Variants in FLRT2 observed in about 807,000 individuals in gnomAD.
FLRT2 encodes the protein fibronectin leucine rich transmembrane protein 2.
FLRT2 carries 15 observed loss-of-function variants against 40.0 expected under a neutral mutation model. That is an observed-to-expected ratio of 0.38 (90% CI 0.25 to 0.58). FLRT2 has a LOEUF of 0.58. Among genes scored for constraint, FLRT2 ranks in the 20% least tolerant of loss-of-function variants. The pLI is 0.71. For missense variants in FLRT2, 726 were observed against 840.0 expected (o/e 0.86, Z 1.68); for synonymous variants, 380 against 336.8 (o/e 1.13, Z -1.41).
chr14:85,587,891 G>A (rs922721210), intron 1 of FLRT2, among the ~76,000 whole-genome samples: 24 of 152,134 alleles, frequency 1.6e-4, no homozygotes, highest in Non-Finnish European at 3.1e-4. Flanking sequence ...GGTGAATGAT[G>A]AGGAAATGTT....
intron 1 of FLRT2, among the ~76,000 whole-genome samples, chr14:85,556,536 G>A (rs1315430581): frequency 6.6e-6 from 1 of 152,188 alleles, no homozygotes. Context: ...TATGCCAAGA[G>A]GCAGTTGGAG....
In FLRT2 at chr14:85,631,857, C is replaced by T. The variant is rs1893882678; in HGVS notation, c.*8360C>T. 1 of 151,836 alleles carries T rather than the reference C, an allele frequency of 6.6e-6. No homozygotes were observed. Among genetic ancestry groups the T allele is most frequent in the South Asian group, 2.1e-4 (1 of 4,806 alleles). The allele number at this position is 151,836 out of a possible 1,614,324, so 9.4% of individuals were successfully genotyped here. ...TTTATTTTTTTTTGAGTTGGAGTCT[C>T]ACTCTGTCACCAGATTGGAGTGCAG... On this transcript the variant is annotated 3_prime_UTR_variant, in exon 2 of 2. Coordinates refer to ENST00000330753, the MANE Select transcript of FLRT2 (RefSeq NM_013231.6).
intron 1 of FLRT2, among the ~76,000 whole-genome samples, chr14:85,606,858 A>T (rs1354865087): frequency 6.6e-6 from 1 of 151,082 alleles, no homozygotes; most frequent in Non-Finnish European, 1.5e-5. Context: ...TTGGTAGTCT[A>T]TGATAGTGTC....
At chr14:85,568,396 A>G (rs1268525497) in intron 1 of FLRT2, among the ~76,000 whole-genome samples, 1 of 152,134 alleles carries the variant, frequency 6.6e-6, no homozygotes, top group Non-Finnish European at 1.5e-5. Flanking sequence ...AAATGATTGG[A>G]CAGGCTCAAG....
chr14:85,615,643 T>C (rs1462932428), intron 1 of FLRT2, among the ~76,000 whole-genome samples: 1 of 64,132 alleles, frequency 1.6e-5, no homozygotes, highest in Non-Finnish European at 3.3e-5. Context: ...TATTGATATA[T>C]GTTTCCCTAA....
rs1894135195 is a variant in FLRT2, at chr14:85,640,956, CT to C, written c.*17460del. On this transcript the variant is annotated 3_prime_UTR_variant, in exon 2 of 2. Transcript: ENST00000330753. ...CGTGACCTTGGGCAAGTTGCTTAAA[CT>C]GTAGCCATAATTTCCTCATAGATTT... is the stretch of plus-strand genomic sequence containing the variant. The C allele has an allele frequency of 6.6e-6, 1 of 152,186 alleles. No homozygotes were observed. The highest frequency in any genetic ancestry group is 1.5e-5 in the Non-Finnish European group (1 of 68,030). The allele number at this position is 152,186 out of a possible 1,614,324, so 9.4% of individuals were successfully genotyped here.
chr14:85,579,208 G>C (rs939354798), intron 1 of FLRT2, among the ~76,000 whole-genome samples: 3 of 152,134 alleles, frequency 2.0e-5, no homozygotes, highest in African/African-American at 7.2e-5. Flanking sequence ...AGGCTGGAGT[G>C]GGGGAACCAG....
intron 1 of FLRT2, among the ~76,000 whole-genome samples, chr14:85,605,598 G>A (rs144818869): frequency 0.017 from 2,607 of 152,004 alleles, 69 homozygotes; most frequent in African/African-American, 0.059. Context: ...GTGAAACCCC[G>A]TCTCTACTAA....
intron 1 of FLRT2, among the ~76,000 whole-genome samples, chr14:85,583,153 A>T (rs1891466205): frequency 6.6e-6 from 1 of 152,200 alleles, no homozygotes; most frequent in Non-Finnish European, 1.5e-5. Flanking sequence ...GCTGAAAATT[A>T]CTGGCAGGGA....
intron 1 of FLRT2, among the ~76,000 whole-genome samples, chr14:85,576,129 G>A (rs988986205): frequency 6.6e-6 from 1 of 152,198 alleles, no homozygotes; most frequent in Admixed American, 6.5e-5. Flanking sequence ...GACCAAGCAT[G>A]AGGTAAAATG....
chr14:85,543,829 G>T (rs999809138), intron 1 of FLRT2, among the ~76,000 whole-genome samples: 1 of 152,036 alleles, frequency 6.6e-6, no homozygotes, highest in African/African-American at 2.4e-5. Flanking sequence ...TTCCCTCCTG[G>T]TTACTCCTTT....
chr14:85,615,856 A>G (rs540865209), intron 1 of FLRT2, among the ~76,000 whole-genome samples: 1 of 152,328 alleles, frequency 6.6e-6, no homozygotes, highest in Non-Finnish European at 1.5e-5. Context: ...GCGATTGGCA[A>G]TGCTTATTGA....
rs1555373563 is a variant in FLRT2, at chr14:85,643,346, T to TTC, written c.*19849_*19850insTC. ...TTCTTTCTTTCTTTCTTTCTTTCTT[T>TTC]CTTTCTTTCTTCCTTCCTTCCTTCC... is the stretch of plus-strand genomic sequence containing the variant. On this transcript the variant is annotated 3_prime_UTR_variant, in exon 2 of 2. Coordinates refer to ENST00000330753, the MANE Select transcript of FLRT2 (RefSeq NM_013231.6). 445 of 58,202 alleles carry TTC rather than the reference T, an allele frequency of 7.6e-3. 3 individuals are homozygous for TTC. The highest frequency in any genetic ancestry group is 0.019 in the African/African-American group (323 of 16,642). The allele number at this position is 58,202 out of a possible 1,614,324, so 3.6% of individuals were successfully genotyped here.
At chr14:85,556,030 T>A (rs1470648211) in intron 1 of FLRT2, among the ~76,000 whole-genome samples, 1 of 152,250 alleles carries the variant, frequency 6.6e-6, no homozygotes, top group East Asian at 1.9e-4. Context: ...GGAAGGCATG[T>A]AATTAAGAAA....
chr14:85,589,791 G>T (rs61992729), intron 1 of FLRT2, among the ~76,000 whole-genome samples: 1 of 152,056 alleles, frequency 6.6e-6, no homozygotes, highest in Non-Finnish European at 1.5e-5. Flanking sequence ...TTTGTATATG[G>T]CAAGGGATAC....
Position 85,653,888 on chromosome 14 carries a change from C to T in FLRT2, c.*30391C>T, listed in dbSNP as rs1175424786. On this transcript the variant is annotated 3_prime_UTR_variant, in exon 2 of 2. Coordinates refer to ENST00000330753, the MANE Select transcript of FLRT2 (RefSeq NM_013231.6). ...ATGAAGAAAACATAGCAAAATTATA[C>T]CTATTTTTTTAAATTGAAGTACAAA... is the stretch of plus-strand genomic sequence containing the variant. 2 of 152,068 alleles carry T rather than the reference C, an allele frequency of 1.3e-5. No homozygotes were observed. Among genetic ancestry groups the T allele is most frequent in the African/African-American group, 4.8e-5 (2 of 41,418 alleles). The allele number at this position is 152,068 out of a possible 1,614,324, so 9.4% of individuals were successfully genotyped here.
rs1217916469 is a variant in FLRT2, at chr14:85,622,004, T to C, written c.490T>C (p.Leu164=). ...CCGGGAGGCTATTAGCCTCAAATTG[T>C]TGTTTTTGTCTAAGAATCACCTGAG... ...AFREAISLKL[L]FLSKNHLSSV... Residue 164 remains leucine (L), a synonymous_variant, in exon 2 of 2, where the codon TTG becomes CTG. Coordinates refer to ENST00000330753, the MANE Select transcript of FLRT2 (RefSeq NM_013231.6). The C allele has an allele frequency of 1.2e-6, 2 of 1,608,720 alleles. No homozygotes were observed. Among genetic ancestry groups the C allele is most frequent in the African/African-American group, 1.3e-5 (1 of 74,834 alleles).
At chr14:85,572,731 C>A (rs559181078) in intron 1 of FLRT2, among the ~76,000 whole-genome samples, 1 of 152,144 alleles carries the variant, frequency 6.6e-6, no homozygotes, top group African/African-American at 2.4e-5. Flanking sequence ...CAATACATTT[C>A]GTGTGTGCCT....
At chr14:85,548,817 G>A (rs1388753068) in intron 1 of FLRT2, among the ~76,000 whole-genome samples, 2 of 152,280 alleles carry the variant, frequency 1.3e-5, no homozygotes, top group Admixed American at 1.3e-4. Flanking sequence ...ATGCATTTCT[G>A]TTTTCCCCAC....
Sources: allele counts gnomAD v4.1 joint callset (sites outside exome capture counted in the v4.1 genomes callset), GRCh38; gene constraint gnomAD v4.1.1; transcripts MANE v1.5; gene names NCBI Gene and HGNC (gene_info 2026-07-23, HGNC 2026-07-21).